Variants in CELF4 observed in about 807,000 individuals in gnomAD.
CELF4 encodes the protein CUGBP Elav-like family member 4.
A neutral mutation model predicts 59.9 loss-of-function variants in CELF4; 18 were observed. The ratio of observed to expected loss-of-function variants is 0.30; its 90% CI spans 0.21 to 0.45. The LOEUF (loss-of-function observed/expected upper bound fraction) is 0.45, where lower values mean the gene tolerates loss of function less well. Ranked by LOEUF, CELF4 falls within the 20% of genes least tolerant of loss-of-function variation. The pLI is 1.00. For missense variants in CELF4, 456 were observed against 689.0 expected (o/e 0.66, Z 3.79); for synonymous variants, 261 against 267.1 (o/e 0.98, Z 0.22).
Position 37,274,318 on chromosome 18 carries a change from G to GCGTAGGCGC in CELF4, c.785_793dup (p.Gly262_Tyr264dup). ...GTGCGCGCTGCCACTTACTGCCTGA[G>GCGTAGGCGC]CGTAGGCGCCGTAGGCCCCGAAAGG... On this transcript the variant is annotated inframe_insertion, in exon 6 of 13. Coordinates refer to ENST00000420428, the MANE Select transcript of CELF4 (RefSeq NM_020180.4). The GCGTAGGCGC allele has an allele frequency of 1.9e-6, 3 of 1,612,644 alleles. No individual in the cohort carries two copies. Among genetic ancestry groups the GCGTAGGCGC allele is most frequent in the South Asian group, 2.2e-5 (2 of 90,964 alleles).
At chr18:37,462,492 C>T (rs959607065) in intron 2 of CELF4, among the ~76,000 whole-genome samples, 1 of 152,250 alleles carries the variant, frequency 6.6e-6, no homozygotes, top group African/African-American at 2.4e-5. Flanking sequence ...ACCCTGAGAT[C>T]TCTGAGCTGC....
intron 1 of CELF4, among the ~76,000 whole-genome samples, chr18:37,551,208 C>T (rs2099983082): frequency 6.6e-6 from 1 of 152,134 alleles, no homozygotes; most frequent in Non-Finnish European, 1.5e-5. Context: ...CTGTTCTCCC[C>T]TGAGAAATCC....
rs555657233 is a variant in CELF4 at position 37,322,298 on chromosome 18, C to T, written c.370-417G>A. Among the ~76,000 whole-genome samples, 3 of 152,362 alleles carry T rather than the reference C, an allele frequency of 2.0e-5. No homozygotes were observed. The South Asian group carries it at 6.2e-4, about 32-fold the overall frequency. ...TGCCTTTATGGAAATGAGCTGGTCA[C>T]TGGCTGCAGATGGACCCCACCCAGG... On this transcript the variant is annotated intron_variant, in intron 2 of 12. Coordinates refer to ENST00000420428, the MANE Select transcript of CELF4 (RefSeq NM_020180.4).
intron 12 of CELF4, chr18:37,247,107 T>C (rs1377885354): frequency 6.6e-6 from 1 of 152,156 alleles, no homozygotes; most frequent in Non-Finnish European, 1.5e-5. Context: ...TTGACGGCAA[T>C]TGTCATGCAA....
intron 1 of CELF4, among the ~76,000 whole-genome samples, chr18:37,557,582 C>T (rs529619145): frequency 6.6e-6 from 1 of 152,288 alleles, no homozygotes; most frequent in Admixed American, 6.5e-5. Context: ...TGATCTGTAG[C>T]CACTCTTAAC....
intron 2 of CELF4, among the ~76,000 whole-genome samples, chr18:37,349,970 G>A (rs1056408485): frequency 1.3e-5 from 2 of 152,158 alleles, no homozygotes; most frequent in Non-Finnish European, 2.9e-5. Context: ...CACATGCGAC[G>A]TGACTGGGTT....
At chr18:37,353,335 G>A (rs1244040311) in intron 2 of CELF4, among the ~76,000 whole-genome samples, 2 of 151,720 alleles carry the variant, frequency 1.3e-5, no homozygotes, top group Admixed American at 1.3e-4. Flanking sequence ...TTTCCAGTGA[G>A]GCCAGATTCA....
intron 3 of CELF4, among the ~76,000 whole-genome samples, chr18:37,317,748 T>C (rs1037098056): frequency 1.3e-4 from 20 of 152,184 alleles, no homozygotes; most frequent in African/African-American, 4.1e-4. Flanking sequence ...GACAGTGGCC[T>C]GTCAGCCTCA....
chr18:37,515,696 G>A (rs530543607), intron 1 of CELF4, among the ~76,000 whole-genome samples: 1 of 152,306 alleles, frequency 6.6e-6, no homozygotes, highest in East Asian at 1.9e-4. Flanking sequence ...GAACTGAAGG[G>A]TGCTGCCCTC....
intron 2 of CELF4, among the ~76,000 whole-genome samples, chr18:37,444,219 T>C (rs1034655548): frequency 1.3e-5 from 2 of 152,156 alleles, no homozygotes; most frequent in African/African-American, 4.8e-5. Context: ...CCAGGGTGCT[T>C]ACCCTGCATT....
chr18:37,449,378 T>A (rs1406198782), intron 2 of CELF4, among the ~76,000 whole-genome samples: 1 of 152,134 alleles, frequency 6.6e-6, no homozygotes, highest in Admixed American at 6.5e-5. Flanking sequence ...GAAAGGGGCA[T>A]GACAGTGCTG....
intron 6 of CELF4, chr18:37,273,905 A>G: frequency 9.6e-7 from 1 of 1,036,516 alleles, no homozygotes; most frequent in Non-Finnish European, 1.2e-6. Context: ...GAGCCCTGCC[A>G]GGAGAGACCA....
rs186125749 is a variant in CELF4, at chr18:37,357,853, C to T, written c.370-35972G>A. Among the ~76,000 whole-genome samples the T allele has an allele frequency of 8.5e-5, 13 of 152,292 alleles. No individual in the cohort carries two copies. The East Asian group carries it at 9.7e-4, about 11-fold the overall frequency. Reference sequence around the variant, plus strand: ...AAGATTTGACTGTCCCACTGGATTTCGGACTTGTGTGGGGCCTTTAGCACT... The same window carrying T: ...AAGATTTGACTGTCCCACTGGATTTTGGACTTGTGTGGGGCCTTTAGCACT... On this transcript the variant is annotated intron_variant, in intron 2 of 12. Coordinates refer to ENST00000420428, the MANE Select transcript of CELF4 (RefSeq NM_020180.4).
rs145093354 is a variant in CELF4, at chr18:37,325,520, T to C, written c.370-3639A>G. On this transcript the variant is annotated intron_variant, in intron 2 of 12. Coordinates refer to ENST00000420428, the MANE Select transcript of CELF4 (RefSeq NM_020180.4). ...CAGCCAGCCCACTGTCCTTGGCATC[T>C]GGGCACCTGTGATGCTTTGGCCTAA... Among the ~76,000 whole-genome samples the C allele has an allele frequency of 1.1e-3, 163 of 152,364 alleles. 1 individual carries two copies. Among genetic ancestry groups the C allele is most frequent in the African/African-American group, 3.9e-3 (162 of 41,594 alleles).
At chr18:37,515,682 C>A (rs2099949887) in intron 1 of CELF4, among the ~76,000 whole-genome samples, 1 of 152,166 alleles carries the variant, frequency 6.6e-6, no homozygotes, top group African/African-American at 2.4e-5. Flanking sequence ...AGTGCCTTAG[C>A]AGTGAACTGA....
chr18:37,410,919 G>T (rs56171972), intron 2 of CELF4, among the ~76,000 whole-genome samples: 117 of 152,334 alleles, frequency 7.7e-4, no homozygotes, highest in Non-Finnish European at 1.5e-3. Context: ...GCATCCGTGA[G>T]ATCCAGAGAT....
intron 2 of CELF4, among the ~76,000 whole-genome samples, chr18:37,416,819 G>A (rs1017829075): frequency 1.3e-5 from 2 of 152,146 alleles, no homozygotes; most frequent in African/African-American, 2.4e-5. Context: ...TTGAGAAGGC[G>A]GGAATGCACT....
intron 1 of CELF4, among the ~76,000 whole-genome samples, chr18:37,528,369 G>T (rs2099966034): frequency 6.6e-6 from 1 of 152,152 alleles, no homozygotes; most frequent in Non-Finnish European, 1.5e-5. Context: ...TGCTCACGGA[G>T]ATATTGACTG....
At chr18:37,498,719 C>A (rs17750321) in intron 1 of CELF4, among the ~76,000 whole-genome samples, 12,125 of 152,044 alleles carry the variant, frequency 0.08, 799 homozygotes, top group East Asian at 0.27. Context: ...CCATCCAACC[C>A]CTGTGGCCTG....
Sources: allele counts gnomAD v4.1 joint callset (sites outside exome capture counted in the v4.1 genomes callset), GRCh38; gene constraint gnomAD v4.1.1; transcripts MANE v1.5; gene names NCBI Gene and HGNC (gene_info 2026-07-23, HGNC 2026-07-21).